Variants in ATP10B observed in about 807,000 individuals in gnomAD.
The protein encoded by ATP10B is ATPase phospholipid transporting 10B (putative), also known as phospholipid-transporting ATPase VB.
Under a neutral mutation model 141.2 loss-of-function variants are expected in ATP10B, and 122 were observed. The ratio of observed to expected loss-of-function variants is 0.86; its 90% CI spans 0.75 to 1.00. The LOEUF (loss-of-function observed/expected upper bound fraction) is 1.00. ATP10B is among the 50% of genes least tolerant of loss of function. The probability of loss-of-function intolerance (pLI) is 0.00; values close to 1 mark genes in which losing one functional copy is unlikely to be tolerated. For synonymous variants in ATP10B, 685 were observed against 692.0 expected (o/e 0.99, Z 0.16); for missense variants, 1,876 against 1,825.3 (o/e 1.03, Z -0.51).
chr5:160,828,412 C>T (rs13166158), intron 1 of ATP10B, among the ~76,000 whole-genome samples: 120,832 of 151,508 alleles, frequency 0.8, 48,989 homozygotes, highest in East Asian at 0.97. Context: ...GAACAGACAC[C>T]TCTCAAAAGA....
chr5:160,625,303 G>C (rs1174214324), intron 13 of ATP10B, among the ~76,000 whole-genome samples: 1 of 152,134 alleles, frequency 6.6e-6, no homozygotes, highest in African/African-American at 2.4e-5. Context: ...TTAGTGTCTG[G>C]GCATCTCAAA....
chr5:160,906,508 CTCTTTCCTGTCACA>C, the ATP10B span, among the ~76,000 whole-genome samples: 1 of 152,166 alleles, frequency 6.6e-6, no homozygotes, highest in East Asian at 1.9e-4. Flanking sequence ...TTCCTCTCAC[CTCTTTCCTGTCACA>C]AGACATTGGT....
Position 160,747,380 on chromosome 5 carries a change from C to T in ATP10B, c.-330-30346G>A, listed in dbSNP as rs9968732. 5.6e-3 allele frequency among the ~76,000 whole-genome samples: 858 copies of T among 152,142 alleles called. 15 individuals are homozygous for T. The highest frequency in any genetic ancestry group is 0.02 in the African/African-American group (816 of 41,478). On this transcript the variant is annotated intron_variant, in intron 2 of 25. Transcript: ENST00000327245. ...AGCCTGGCGTGGGTTGAATCCTGTCCCACCAAAAAATATGTTGAGGTCGCA... is the reference window on the plus strand; with the variant it reads ...AGCCTGGCGTGGGTTGAATCCTGTCTCACCAAAAAATATGTTGAGGTCGCA...
intron 1 of ATP10B, among the ~76,000 whole-genome samples, chr5:160,789,083 A>G (rs950686719): frequency 1.3e-5 from 2 of 152,172 alleles, no homozygotes; most frequent in Admixed American, 6.5e-5. Context: ...ATGTGCATGC[A>G]TACATGAGTG....
At chr5:160,700,018 G>T (rs1244516019) in intron 3 of ATP10B, among the ~76,000 whole-genome samples, 1 of 152,050 alleles carries the variant, frequency 6.6e-6, no homozygotes, top group East Asian at 1.9e-4. Context: ...ATGAAGAAGG[G>T]GCTGTCCCCT....
intron 5 of ATP10B, among the ~76,000 whole-genome samples, chr5:160,687,302 T>G (rs1413414390): frequency 6.6e-6 from 1 of 152,208 alleles, no homozygotes; most frequent in Non-Finnish European, 1.5e-5. Flanking sequence ...TATGTATCTC[T>G]AGCTCCCAGC....
At chr5:160,793,117 C>A (rs972960642) in intron 1 of ATP10B, among the ~76,000 whole-genome samples, 1 of 152,130 alleles carries the variant, frequency 6.6e-6, no homozygotes, top group Non-Finnish European at 1.5e-5. Context: ...ATTGTTGATT[C>A]ATTCTTCTCA....
the ATP10B span, among the ~76,000 whole-genome samples, chr5:160,874,226 C>T: frequency 6.7e-6 from 1 of 148,780 alleles, no homozygotes; most frequent in Admixed American, 6.7e-5. Flanking sequence ...GGTCCCTGAC[C>T]CCTGACCCCT....
Position 160,620,376 on chromosome 5 carries a change from A to G in ATP10B, c.2387T>C (p.Ile796Thr). 1.2e-6 allele frequency: 2 copies of G among 1,613,144 alleles called. No homozygotes were observed. The highest frequency in any genetic ancestry group is 1.1e-5 in the South Asian group (1 of 90,928). The change falls in exon 15 of 26, where the codon ATC becomes ACC. Residue 796 changes from isoleucine (I) to threonine (T), a missense_variant. Physicochemically the swap from Ile to Thr is moderately conservative, Grantham distance 89 (BLOSUM62 -1). Coordinates refer to ENST00000327245, the MANE Select transcript of ATP10B (RefSeq NM_025153.3). ...VVYTKGADSVIMDLLEDPACV... is the reference protein window; with the variant it reads ...VVYTKGADSVTMDLLEDPACV... ...GGCTGGGTCTTCCAGCAGGTCCATG[A>G]TGACCGAGTCAGCACCCTTGGTGTA... is the stretch of plus-strand genomic sequence containing the variant.
At chr5:160,898,387 T>C in the ATP10B span, among the ~76,000 whole-genome samples, 1 of 151,920 alleles carries the variant, frequency 6.6e-6, no homozygotes, top group Non-Finnish European at 1.5e-5. Flanking sequence ...AACAAACATA[T>C]GAAAAAAAGC....
At chr5:160,872,321 G>C in the ATP10B span, among the ~76,000 whole-genome samples, 2 of 152,150 alleles carry the variant, frequency 1.3e-5, no homozygotes, top group Non-Finnish European at 2.9e-5. Flanking sequence ...CTCCCACTCT[G>C]TGGGTTGTCT....
At chr5:160,582,851 T>C (rs1412218073) in intron 24 of ATP10B, among the ~76,000 whole-genome samples, 2 of 152,206 alleles carry the variant, frequency 1.3e-5, no homozygotes, top group African/African-American at 4.8e-5. Context: ...TGATATCCTT[T>C]CTTCCACTTG....
chr5:160,709,055 C>T (rs1469178441), intron 3 of ATP10B, among the ~76,000 whole-genome samples: 1 of 152,072 alleles, frequency 6.6e-6, no homozygotes, highest in Non-Finnish European at 1.5e-5. Context: ...AGTGTTGAGA[C>T]CATCAATAAC....
the ATP10B span, among the ~76,000 whole-genome samples, chr5:160,860,679 T>A: frequency 6.6e-6 from 1 of 151,998 alleles, no homozygotes; most frequent in African/African-American, 2.4e-5. Context: ...TGTCATAAAG[T>A]ATTTTATGTG....
chr5:160,777,698 C>T (rs548874843), intron 2 of ATP10B, among the ~76,000 whole-genome samples: 52 of 152,266 alleles, frequency 3.4e-4, no homozygotes, highest in African/African-American at 1.2e-3. Flanking sequence ...CAGCAAAAAG[C>T]TACCAAACAC....
chr5:160,725,018 C>G (rs1326668369), intron 2 of ATP10B, among the ~76,000 whole-genome samples: 1 of 152,064 alleles, frequency 6.6e-6, no homozygotes, highest in African/African-American at 2.4e-5. Context: ...TCCAGAAAGC[C>G]TAGAATAGTT....
intron 7 of ATP10B, among the ~76,000 whole-genome samples, chr5:160,654,611 A>G (rs80294460): frequency 1.0e-3 from 154 of 152,314 alleles, no homozygotes; most frequent in African/African-American, 3.7e-3. Flanking sequence ...TTGGACAGAC[A>G]TGCAGATGGA....
At chr5:160,747,228 A>T (rs1767866579) in intron 2 of ATP10B, among the ~76,000 whole-genome samples, 1 of 152,036 alleles carries the variant, frequency 6.6e-6, no homozygotes, top group Admixed American at 6.5e-5. Flanking sequence ...AGAACCTATT[A>T]TGTTACCTGC....
At chr5:160,703,219 G>C (rs1435272957) in intron 3 of ATP10B, among the ~76,000 whole-genome samples, 1 of 152,082 alleles carries the variant, frequency 6.6e-6, no homozygotes, top group Non-Finnish European at 1.5e-5. Context: ...GTAACTCGGA[G>C]ACTGTGGGTT....
Sources: allele counts gnomAD v4.1 joint callset (sites outside exome capture counted in the v4.1 genomes callset), GRCh38; gene constraint gnomAD v4.1.1; transcripts MANE v1.5; gene names NCBI Gene and HGNC (gene_info 2026-07-23, HGNC 2026-07-21).